The following CTNNA3 variants were observed in gnomAD, a reference collection of about 807,000 sequenced individuals.
CTNNA3 encodes the protein catenin alpha-3.
Under a neutral mutation model 95.7 loss-of-function variants are expected in CTNNA3, and 76 were observed. That is an observed-to-expected ratio of 0.79 (90% CI 0.66 to 0.96). The LOEUF is 0.96. Among genes scored for constraint, CTNNA3 ranks in the 40% least tolerant of loss-of-function variants. The probability of loss-of-function intolerance (pLI) is 0.00; values close to 1 mark genes in which losing one functional copy is unlikely to be tolerated. For missense variants in CTNNA3, 1,191 were observed against 1,089.8 expected (o/e 1.09, Z -1.31); for synonymous variants, 431 against 374.4 (o/e 1.15, Z -1.74).
At chr10:67,100,944 G>A (rs377606580) in intron 7 of CTNNA3, among the ~76,000 whole-genome samples, 1 of 151,508 alleles carries the variant, frequency 6.6e-6, no homozygotes, top group Non-Finnish European at 1.5e-5. Flanking sequence ...CAGAGATAAT[G>A]GATAGAATGA....
intron 5 of CTNNA3, among the ~76,000 whole-genome samples, chr10:67,491,183 T>A (rs913978164): frequency 6.6e-6 from 1 of 152,176 alleles, no homozygotes; most frequent in Admixed American, 6.5e-5. Context: ...CTCAAAAGAT[T>A]ATGAAGACTT....
intron 10 of CTNNA3, among the ~76,000 whole-genome samples, chr10:66,564,857 T>C (rs1373179907): frequency 1.3e-5 from 2 of 152,186 alleles, no homozygotes; most frequent in African/African-American, 4.8e-5. Context: ...TTGTATTTTA[T>C]TTTTTCAAGT....
intron 10 of CTNNA3, among the ~76,000 whole-genome samples, chr10:66,553,588 GC>G (rs1842295687): frequency 7.6e-6 from 1 of 131,402 alleles, no homozygotes; most frequent in Admixed American, 8.7e-5. Context: ...GTGCAGTGGC[GC>G]CCATCTTGGC....
intron 11 of CTNNA3, among the ~76,000 whole-genome samples, chr10:66,481,461 C>CTTTT (rs148278459): frequency 1.1e-4 from 8 of 73,204 alleles, no homozygotes; most frequent in Non-Finnish European, 1.5e-4. Flanking sequence ...TCCCTTGTTT[C>CTTTT]TTTTTTTTTT....
At chr10:67,417,043 C>A (rs189267419) in intron 5 of CTNNA3, among the ~76,000 whole-genome samples, 1 of 152,176 alleles carries the variant, frequency 6.6e-6, no homozygotes, top group Admixed American at 6.5e-5. Flanking sequence ...TAGAATCAAC[C>A]CAGGTGCCCA....
chr10:67,155,892 T>C (rs980538226), intron 7 of CTNNA3, among the ~76,000 whole-genome samples: 3 of 152,148 alleles, frequency 2.0e-5, no homozygotes, highest in African/African-American at 7.2e-5. Flanking sequence ...AAGTATCTAG[T>C]AGAATTCACC....
intron 13 of CTNNA3, among the ~76,000 whole-genome samples, chr10:66,145,940 A>G (rs1407469512): frequency 6.6e-6 from 1 of 151,760 alleles, no homozygotes; most frequent in Non-Finnish European, 1.5e-5. Context: ...TGCAACTTCT[A>G]TCTCCCCGGT....
At chr10:67,304,988 G>C (rs1038276724) in intron 5 of CTNNA3, among the ~76,000 whole-genome samples, 1 of 151,948 alleles carries the variant, frequency 6.6e-6, no homozygotes, top group Non-Finnish European at 1.5e-5. Context: ...GAAAATGTGA[G>C]GTATTAGGCT....
chr10:65,991,390 A>G (rs891509763), intron 15 of CTNNA3, among the ~76,000 whole-genome samples: 11 of 152,026 alleles, frequency 7.2e-5, no homozygotes, highest in African/African-American at 2.7e-4. Flanking sequence ...CTTCTGATCT[A>G]TGGGCATGAA....
intron 5 of CTNNA3, among the ~76,000 whole-genome samples, chr10:67,433,310 T>C (rs369747494): frequency 1.3e-5 from 2 of 152,106 alleles, no homozygotes; most frequent in East Asian, 1.9e-4. Context: ...GTTCACCATC[T>C]CAAATGGGCT....
chr10:67,617,836 T>C (rs1843703971), intron 2 of CTNNA3, among the ~76,000 whole-genome samples: 1 of 152,090 alleles, frequency 6.6e-6, no homozygotes, highest in South Asian at 2.1e-4. Flanking sequence ...ATTGTGGTTT[T>C]GATTTGCATT....
chr10:67,129,079 C>T (rs1859864588), intron 7 of CTNNA3, among the ~76,000 whole-genome samples: 1 of 152,114 alleles, frequency 6.6e-6, no homozygotes, highest in Non-Finnish European at 1.5e-5. Context: ...ATTTGAAACC[C>T]TTTGATAAAA....
At chr10:67,431,058 A>G (rs564522198) in intron 5 of CTNNA3, among the ~76,000 whole-genome samples, 99 of 151,962 alleles carry the variant, frequency 6.5e-4, no homozygotes, top group Non-Finnish European at 1.3e-3. Flanking sequence ...CATGAATTTG[A>G]CCATTAAGGG....
At chr10:66,416,647 A>C (rs2093148718) in intron 11 of CTNNA3, among the ~76,000 whole-genome samples, 1 of 152,012 alleles carries the variant, frequency 6.6e-6, no homozygotes, top group Admixed American at 6.6e-5. Flanking sequence ...CCAGGAGAGA[A>C]TGGGATAATG....
chr10:67,754,758 A>C (rs1021702829), intron 1 of CTNNA3, among the ~76,000 whole-genome samples: 2 of 152,208 alleles, frequency 1.3e-5, no homozygotes, highest in Non-Finnish European at 2.9e-5. Context: ...CAACCCATAG[A>C]ACGGGGGAAA....
At chr10:66,982,001 CTT>C (rs1434781518) in intron 7 of CTNNA3, among the ~76,000 whole-genome samples, 1 of 152,184 alleles carries the variant, frequency 6.6e-6, no homozygotes, top group Non-Finnish European at 1.5e-5. Context: ...CTCTTGGTGA[CTT>C]TTGACAATAT....
chr10:66,984,681 A>G (rs888040014), intron 7 of CTNNA3, among the ~76,000 whole-genome samples: 1 of 152,122 alleles, frequency 6.6e-6, no homozygotes, highest in African/African-American at 2.4e-5. Context: ...TCATTCCTTT[A>G]TGCTTTTTTT....
intron 2 of CTNNA3, among the ~76,000 whole-genome samples, chr10:67,620,760 T>C (rs777344074): frequency 1.3e-5 from 2 of 152,118 alleles, no homozygotes; most frequent in South Asian, 2.1e-4. Context: ...TAACGAAATA[T>C]GGTATCTTGC....
intron 9 of CTNNA3, among the ~76,000 whole-genome samples, chr10:66,757,273 G>GT (rs1839399065): frequency 6.6e-6 from 1 of 152,138 alleles, no homozygotes; most frequent in Non-Finnish European, 1.5e-5. Flanking sequence ...GTGATAGGGA[G>GT]TGGCAACTCT....
Sources: allele counts gnomAD v4.1 joint callset (sites outside exome capture counted in the v4.1 genomes callset), GRCh38; gene constraint gnomAD v4.1.1; transcripts MANE v1.5; gene names NCBI Gene and HGNC (gene_info 2026-07-23, HGNC 2026-07-21).